Variants in DARS2 observed in about 807,000 individuals in gnomAD.
DARS2 encodes aspartyl-tRNA synthetase 2, mitochondrial.
DARS2 carries 63 observed loss-of-function variants against 83.0 expected under a neutral mutation model. The observed-to-expected ratio is 0.76, with a 90% CI of 0.62 to 0.94. The LOEUF (loss-of-function observed/expected upper bound fraction) is 0.94. Among genes scored for constraint, DARS2 ranks in the 40% least tolerant of loss-of-function variants. DARS2 has a pLI of 0.00. For missense variants in DARS2, 675 were observed against 774.4 expected, an observed-to-expected ratio of 0.87 and a Z score of 1.52; for synonymous variants, 250 against 269.3, an observed-to-expected ratio of 0.93 and a Z score of 0.70.
intron 15 of DARS2, among the ~76,000 whole-genome samples, chr1:173,854,661 T>TA (rs1158161263): frequency 6.6e-6 from 1 of 152,068 alleles, no homozygotes; most frequent in African/African-American, 2.4e-5. Context: ...CTACCCTGCT[T>TA]AAAAAAACCA....
At chr1:173,849,141 G>T (rs1653549260) in intron 12 of DARS2, among the ~76,000 whole-genome samples, 1 of 142,764 alleles carries the variant, frequency 7.0e-6, no homozygotes, top group African/African-American at 2.7e-5. Flanking sequence ...TAATTTTTTG[G>T]GTTTATCTTG....
At chr1:173,825,390 G>A in intron 1 of DARS2, 34 bp downstream of exon 1, 2 of 1,605,384 alleles carry the variant, frequency 1.2e-6, no homozygotes, top group Non-Finnish European at 1.7e-6. Context: ...CCTATGAACA[G>A]TACTTCAGCC....
chr1:173,841,145 C>T (rs1653190823), intron 11 of DARS2, among the ~76,000 whole-genome samples, 172 bp downstream of exon 11: 1 of 152,000 alleles, frequency 6.6e-6, no homozygotes, highest in South Asian at 2.1e-4. Context: ...GAGGCCGAGG[C>T]GTGTGGATCA....
chr1:173,829,393 G>A (rs143350335), intron 3 of DARS2, among the ~76,000 whole-genome samples: 6 of 151,936 alleles, frequency 3.9e-5, no homozygotes, highest in Non-Finnish European at 5.9e-5. Flanking sequence ...GCCATGTGAC[G>A]GTATTACTGC....
intron 7 of DARS2, 78 bp downstream of exon 7, chr1:173,834,597 C>G (rs573756232): frequency 8.9e-7 from 1 of 1,117,746 alleles, no homozygotes; most frequent in Non-Finnish European, 1.4e-6. Flanking sequence ...TTTATATTCA[C>G]TTGGTCCACT....
chr1:173,848,505 C>G (rs1571994190), intron 12 of DARS2, among the ~76,000 whole-genome samples: 1 of 152,164 alleles, frequency 6.6e-6, no homozygotes, highest in African/African-American at 2.4e-5. Flanking sequence ...AAGGGCTGAA[C>G]TTTTTACTTT....
intron 12 of DARS2, 120 bp downstream of exon 12, chr1:173,845,411 C>A (rs928542766): frequency 5.0e-6 from 3 of 598,674 alleles, no homozygotes; most frequent in South Asian, 2.3e-5. Context: ...CATTCTTCTG[C>A]TTTTATTTAC....
intron 3 of DARS2, among the ~76,000 whole-genome samples, chr1:173,829,864 C>T (rs1454928270): frequency 2.0e-5 from 3 of 151,944 alleles, no homozygotes; most frequent in African/African-American, 4.8e-5. Context: ...GCCGAGATCA[C>T]GCCACTGTAC....
intron 15 of DARS2, among the ~76,000 whole-genome samples, 198 bp from the exon 16 acceptor site, chr1:173,856,468 T>A (rs754311383): frequency 2.0e-5 from 3 of 152,246 alleles, no homozygotes; most frequent in African/African-American, 7.2e-5. Context: ...CTATGACTTG[T>A]CTTTTTCCCT....
At chr1:173,841,172 C>G (rs1653192194) in intron 11 of DARS2, among the ~76,000 whole-genome samples, 199 bp downstream of exon 11, 1 of 151,982 alleles carries the variant, frequency 6.6e-6, no homozygotes, top group Non-Finnish European at 1.5e-5. Context: ...GTCAGGAGTT[C>G]AAGACCAGCC....
intron 3 of DARS2, among the ~76,000 whole-genome samples, chr1:173,829,313 C>T (rs1257514322): frequency 3.3e-5 from 5 of 151,896 alleles, no homozygotes; most frequent in Non-Finnish European, 7.4e-5. Context: ...GGGGAAGGAA[C>T]TGAGGGCGTT....
intron 2 of DARS2, among the ~76,000 whole-genome samples, chr1:173,827,004 A>C (rs1170026933): frequency 6.6e-6 from 1 of 152,230 alleles, no homozygotes; most frequent in African/African-American, 2.4e-5. Flanking sequence ...CTCAGTAGGT[A>C]CATCTCAGTA....
chr1:173,849,451 T>C (rs2102658197), intron 12 of DARS2, among the ~76,000 whole-genome samples: 1 of 151,226 alleles, frequency 6.6e-6, no homozygotes, highest in South Asian at 2.1e-4. Flanking sequence ...GGAGAATTGC[T>C]TGAACCCGAG....
chr1:173,834,742 T>TG (rs1652924803), intron 7 of DARS2, among the ~76,000 whole-genome samples: 1 of 132,044 alleles, frequency 7.6e-6, no homozygotes, highest in African/African-American at 3.3e-5. Flanking sequence ...GTTTTTTTTT[T>TG]TTTTTTTTTT....
chr1:173,857,384 G>T, intron 16 of DARS2, 134 bp from the exon 17 acceptor site: 1 of 842,188 alleles, frequency 1.2e-6, no homozygotes, highest in East Asian at 2.6e-5. Flanking sequence ...CTCTAAAAAG[G>T]TAGGGAACGA....
chr1:173,831,767 C>T (rs75487422), intron 5 of DARS2, 137 bp downstream of exon 5: 11 of 708,528 alleles, frequency 1.6e-5, no homozygotes, highest in African/African-American at 3.6e-5. Flanking sequence ...ATGAAGTGTT[C>T]TCTTAGTTCT....
In DARS2 at chr1:173,856,691, T is replaced by G; in HGVS notation, c.1700T>G (p.Leu567Arg). The change falls in exon 16 of 17, where the codon CTG becomes CGG. Residue 567 changes from leucine to arginine, a missense_variant. Coordinates refer to ENST00000649689, the MANE Select transcript of DARS2 (RefSeq NM_018122.5). ...LKEDVKMLSH[L>R]LQALDYGAPP... ...GAGGATGTGAAAATGCTCTCCCATC[T>G]GCTCCAGGCTTTAGATTATGGGGCA... The G allele has an allele frequency of 6.2e-7, 1 of 1,614,104 alleles. No homozygotes were observed. Among genetic ancestry groups the G allele is most frequent in the Non-Finnish European group, 8.5e-7 (1 of 1,179,992 alleles).
chr1:173,837,999 G>T (rs866083740), intron 8 of DARS2, among the ~76,000 whole-genome samples, 191 bp from the exon 9 acceptor site: 6 of 152,000 alleles, frequency 3.9e-5, no homozygotes, highest in Non-Finnish European at 5.9e-5. Context: ...GGTCTTGAAC[G>T]CCTGACCTCA....
At position 173,853,965 on chromosome 1, in the gene DARS2, G is replaced by GTGT. The variant is rs971806969; in HGVS notation, c.1674+74_1674+76dup. The GTGT allele has an allele frequency of 2.1e-5, 30 of 1,444,966 alleles. No homozygotes were observed. In the African/African-American group the frequency reaches 2.1e-4, roughly 10 times the overall value. The allele number at this position is 1,444,966 out of a possible 1,614,324, so 89.5% of individuals were successfully genotyped here. A position where few individuals can be genotyped will look rare whatever the true frequency, so the allele number is the denominator to read the frequency against. ...TTTTACCAGAATATTTTTCAGTTTT[G>GTGT]TGTTGTTGTTGTTGTTTGCTTGTTT... On this transcript the variant is annotated intron_variant, in intron 15 of 16. Transcript: ENST00000649689.
Sources: allele counts gnomAD v4.1 joint callset (sites outside exome capture counted in the v4.1 genomes callset), GRCh38; gene constraint gnomAD v4.1.1; transcripts MANE v1.5; gene names NCBI Gene and HGNC (gene_info 2026-07-23, HGNC 2026-07-21).